Variants in TAOK3 observed in about 807,000 individuals in gnomAD.
The protein encoded by TAOK3 is serine/threonine-protein kinase TAO3.
A neutral mutation model predicts 120.4 loss-of-function variants in TAOK3; 40 were observed. The observed-to-expected ratio is 0.33, with a 90% CI of 0.26 to 0.43. The LOEUF (loss-of-function observed/expected upper bound fraction) is 0.43. Among genes scored for constraint, TAOK3 ranks in the 20% least tolerant of loss-of-function variants. The pLI is 1.00. For missense variants in TAOK3, 821 were observed against 1,112.1 expected, an observed-to-expected ratio of 0.74 and a Z score of 3.72; for synonymous variants, 355 against 387.5, an observed-to-expected ratio of 0.92 and a Z score of 0.99.
chr12:118,255,402 A>G (rs2140152953), intron 3 of TAOK3, 46 bp downstream of exon 3: 5 of 1,604,806 alleles, frequency 3.1e-6, no homozygotes, highest in South Asian at 2.2e-5. Context: ...CTAGAGTCCA[A>G]CCTTTCTTAA....
chr12:118,199,866 A>G (rs749976018), intron 12 of TAOK3: 7 of 153,080 alleles, frequency 4.6e-5, no homozygotes, highest in Non-Finnish European at 1.0e-4. Context: ...TCTGTTAAAT[A>G]ATACTGGTAT....
intron 1 of TAOK3, among the ~76,000 whole-genome samples, chr12:118,325,386 T>A (rs2043895902): frequency 1.3e-5 from 2 of 152,224 alleles, no homozygotes; most frequent in Admixed American, 6.5e-5. Flanking sequence ...CCAGCATTCA[T>A]TATTGCCTGT....
intron 1 of TAOK3, among the ~76,000 whole-genome samples, chr12:118,342,872 T>C (rs949238990): frequency 1.4e-5 from 2 of 146,342 alleles, no homozygotes; most frequent in African/African-American, 5.1e-5. Flanking sequence ...AGGCCAAGGT[T>C]ACAGTGAGTG....
At chr12:118,308,173 C>A (rs1348337782) in intron 1 of TAOK3, among the ~76,000 whole-genome samples, 1 of 151,500 alleles carries the variant, frequency 6.6e-6, no homozygotes, top group African/African-American at 2.4e-5. Flanking sequence ...GACCTCTGGT[C>A]GTCCTCACTG....
At chr12:118,244,651 C>A (rs1018460090) in intron 4 of TAOK3, among the ~76,000 whole-genome samples, 8 of 150,992 alleles carry the variant, frequency 5.3e-5, no homozygotes, top group African/African-American at 2.4e-5. Context: ...GCCTCAGTCT[C>A]CTGAGTAGCT....
rs748197820 is a variant in TAOK3, at chr12:118,172,519, G to A, written c.1837C>T (p.Arg613Cys). The A allele has an allele frequency of 6.2e-6, 10 of 1,613,980 alleles. No homozygotes were observed. The African/African-American group carries it at 8.0e-5, about 13-fold the overall frequency. Reference protein sequence around the residue: ...QQRLYYDKNCRFFKRKIMIKR... With the variant: ...QQRLYYDKNCCFFKRKIMIKR... The stretch of plus-strand genomic sequence containing the variant: ...ATCATTATTTTCCGCTTGAAGAAAC[G>A]ACAATTTTTGTCGTAGTACAGTCTC... The change falls in exon 17 of 21, where the codon CGT (arginine) becomes TGT (cysteine). Residue 613 changes from arginine (R) to cysteine (C), a missense_variant. By Grantham distance (180) the Arg-to-Cys change is radical. Around this residue, in one of 2 missense-constraint regions of TAOK3, gnomAD observed 354 missense variants for 572.1 expected, o/e 0.62. Transcript: ENST00000392533.
At chr12:118,216,443 A>T (rs11068871) in intron 9 of TAOK3, among the ~76,000 whole-genome samples, 8,113 of 152,266 alleles carry the variant, frequency 0.053, 423 homozygotes, top group East Asian at 0.23. Flanking sequence ...CTCAAAAGAA[A>T]TCATAAGCTC....
At chr12:118,282,913 GCTTCCACCTAT>G (rs1250332964) in intron 1 of TAOK3, among the ~76,000 whole-genome samples, 1 of 152,126 alleles carries the variant, frequency 6.6e-6, no homozygotes, top group Non-Finnish European at 1.5e-5. Flanking sequence ...AAGAACACTG[GCTTCCACCTAT>G]CCAAAATAGG....
intron 1 of TAOK3, among the ~76,000 whole-genome samples, chr12:118,354,930 T>G (rs2045330878): frequency 1.3e-5 from 2 of 150,666 alleles, no homozygotes; most frequent in Admixed American, 6.7e-5. Context: ...TCTCTGCAAT[T>G]TTTTTTTTTA....
chr12:118,209,717 CTTT>C (rs34444685), intron 11 of TAOK3, among the ~76,000 whole-genome samples: 1 of 142,624 alleles, frequency 7.0e-6, no homozygotes, highest in Admixed American at 7.0e-5. Context: ...TCTTCTTCTT[CTTT>C]TTTTTTTTTT....
At chr12:118,350,224 T>C (rs997629835) in intron 1 of TAOK3, among the ~76,000 whole-genome samples, 5 of 152,182 alleles carry the variant, frequency 3.3e-5, no homozygotes, top group African/African-American at 9.7e-5. Context: ...TAGGCACTAA[T>C]AGAACAGTAC....
At position 118,199,244 on chromosome 12, in the gene TAOK3, C is replaced by G. The variant is rs1055074317; in HGVS notation, c.1001G>C (p.Gly334Ala). The G allele has an allele frequency of 6.2e-7, 1 of 1,613,862 alleles. No individual in the cohort carries two copies. Among genetic ancestry groups the G allele is most frequent in the Non-Finnish European group, 8.5e-7 (1 of 1,179,870 alleles). ...SQEDEEDSEH[G>A]TSLNREMDSL... ...GTCCATTTCCCTGTTCAGGCTGGTT[C>G]CATGTTCACTGTCCTGTAAAAATGG... The change falls in exon 13 of 21, where the codon GGA becomes GCA. Residue 334 changes from glycine to alanine, a missense_variant. By Grantham distance (60) the Gly-to-Ala change is moderately conservative. Around this residue, in one of 2 missense-constraint regions of TAOK3, gnomAD observed 467 missense variants for 540.0 expected, o/e 0.86. Coordinates refer to ENST00000392533, the MANE Select transcript of TAOK3 (RefSeq NM_016281.4).
chr12:118,312,839 C>T (rs2043310729), intron 1 of TAOK3, among the ~76,000 whole-genome samples: 1 of 152,114 alleles, frequency 6.6e-6, no homozygotes, highest in Non-Finnish European at 1.5e-5. Context: ...CCTGTAGTAT[C>T]ATGATCTAAC....
chr12:118,178,485 T>C (rs933257178), intron 15 of TAOK3, among the ~76,000 whole-genome samples: 2 of 151,990 alleles, frequency 1.3e-5, no homozygotes, highest in African/African-American at 4.8e-5. Flanking sequence ...TCTGAGACAG[T>C]CTCCCTTTGC....
intron 16 of TAOK3, among the ~76,000 whole-genome samples, chr12:118,176,800 C>G (rs1400189134): frequency 1.3e-5 from 2 of 150,904 alleles, no homozygotes; most frequent in African/African-American, 2.4e-5. Flanking sequence ...GAGTTTTGCT[C>G]TTGTCGCCCA....
chr12:118,229,162 G>A (rs1302345497), intron 9 of TAOK3, among the ~76,000 whole-genome samples: 1 of 151,456 alleles, frequency 6.6e-6, no homozygotes, highest in Non-Finnish European at 1.5e-5. Flanking sequence ...GTGCAGTGGC[G>A]CAATCTCGGC....
intron 1 of TAOK3, among the ~76,000 whole-genome samples, chr12:118,370,559 A>G (rs773942365): frequency 6.6e-6 from 1 of 152,340 alleles, no homozygotes; most frequent in East Asian, 1.9e-4. Context: ...GTCTGCTTCT[A>G]TAAAAAAAGA....
At chr12:118,171,699 A>G (rs2036007022) in intron 17 of TAOK3, among the ~76,000 whole-genome samples, 1 of 152,178 alleles carries the variant, frequency 6.6e-6, no homozygotes, top group Admixed American at 6.5e-5. Context: ...TCATCATGTC[A>G]TTACCCTGCT....
intron 9 of TAOK3, among the ~76,000 whole-genome samples, chr12:118,221,925 C>T (rs553963671): frequency 3.3e-5 from 5 of 152,142 alleles, no homozygotes; most frequent in East Asian, 1.9e-4. Context: ...TGAGCCACTG[C>T]GCCTGGCAGA....
Sources: allele counts gnomAD v4.1 joint callset (sites outside exome capture counted in the v4.1 genomes callset), GRCh38; gene constraint gnomAD v4.1.1; regional missense constraint gnomAD v4.1.1; transcripts MANE v1.5; gene names NCBI Gene and HGNC (gene_info 2026-07-23, HGNC 2026-07-21).